The following SNTG1 variants were observed in gnomAD, a reference collection of about 807,000 sequenced individuals.
SNTG1 encodes syntrophin gamma 1.
A neutral mutation model predicts 74.7 loss-of-function variants in SNTG1; 39 were observed. That is an observed-to-expected ratio of 0.52 (90% CI 0.40 to 0.68). SNTG1 has a LOEUF of 0.68. Ranked by LOEUF, SNTG1 falls within the 30% of genes least tolerant of loss-of-function variation. The probability of loss-of-function intolerance (pLI) is 0.00; values close to 1 mark genes in which losing one functional copy is unlikely to be tolerated. For synonymous variants in SNTG1, 254 were observed against 217.1 expected (o/e 1.17, Z -1.49); for missense variants, 685 against 609.5 (o/e 1.12, Z -1.30).
In SNTG1 at chr8:50,448,003, T is replaced by C. The variant is rs191755687; in HGVS notation, c.220-1665T>C. ...ACTGTGTGCTAAATAAGCACTTGAT[T>C]TCCACCACACTGTCAGCCACAAATC... On this transcript the variant is annotated intron_variant, in intron 5 of 18. Transcript: ENST00000642720. 2.0e-5 allele frequency among the ~76,000 whole-genome samples: 3 copies of C among 152,318 alleles called. No individual in the cohort carries two copies. The East Asian group carries it at 5.8e-4, about 29-fold the overall frequency.
intron 2 of SNTG1, among the ~76,000 whole-genome samples, chr8:50,380,066 T>G (rs999161588): frequency 4.6e-5 from 7 of 152,224 alleles, no homozygotes; most frequent in African/African-American, 1.7e-4. Flanking sequence ...CTCGGGACGT[T>G]TACGTTTGGA....
intron 8 of SNTG1, among the ~76,000 whole-genome samples, chr8:50,484,166 T>A (rs1298071060): frequency 1.1e-5 from 1 of 88,448 alleles, no homozygotes; most frequent in Non-Finnish European, 2.6e-5. Context: ...CCTTCCTTCC[T>A]TCCTTCCTTC....
chr8:50,735,333 G>A (rs146856021), intron 17 of SNTG1, among the ~76,000 whole-genome samples: 2 of 151,696 alleles, frequency 1.3e-5, no homozygotes, highest in Admixed American at 1.3e-4. Flanking sequence ...CCAATCTAAA[G>A]GAGCATGTTC....
At position 50,536,281 on chromosome 8, in the gene SNTG1, A is replaced by G. The variant is rs575233538; in HGVS notation, c.550-397A>G. Among the ~76,000 whole-genome samples the G allele has an allele frequency of 1.5e-3, 233 of 152,306 alleles. 1 individual carries two copies. The highest frequency in any genetic ancestry group is 5.4e-3 in the African/African-American group (224 of 41,574). On this transcript the variant is annotated intron_variant, in intron 10 of 18. Coordinates refer to ENST00000642720, the MANE Select transcript of SNTG1 (RefSeq NM_018967.5). ...TATGATTGTGCTTGGCACTCATAAA[A>G]TACTCTCTATTTGAATGAACTACAG...
chr8:50,672,515 C>A (rs1277998631), intron 15 of SNTG1, among the ~76,000 whole-genome samples: 4 of 126,020 alleles, frequency 3.2e-5, no homozygotes, highest in African/African-American at 1.2e-4. Flanking sequence ...ATCCTCTGCA[C>A]ACTTTTTGAT....
chr8:50,736,264 C>T (rs2095528468), intron 17 of SNTG1, among the ~76,000 whole-genome samples: 1 of 151,720 alleles, frequency 6.6e-6, no homozygotes, highest in South Asian at 2.1e-4. Flanking sequence ...CAAATTCACA[C>T]CTAACAATAT....
intron 1 of SNTG1, among the ~76,000 whole-genome samples, chr8:49,981,499 G>A (rs1241179107): frequency 6.6e-6 from 1 of 152,064 alleles, no homozygotes; most frequent in Non-Finnish European, 1.5e-5. Flanking sequence ...TTGTTTGTAA[G>A]GGCATTATTG....
chr8:49,994,148 T>A (rs1203124341), intron 1 of SNTG1, among the ~76,000 whole-genome samples: 1 of 152,122 alleles, frequency 6.6e-6, no homozygotes, highest in Non-Finnish European at 1.5e-5. Context: ...TTTCCTGTAG[T>A]ATAATATGCT....
At chr8:50,333,195 AACTT>A (rs1446446421) in intron 2 of SNTG1, among the ~76,000 whole-genome samples, 1 of 152,240 alleles carries the variant, frequency 6.6e-6, no homozygotes, top group African/African-American at 2.4e-5. Context: ...TCGATACAAT[AACTT>A]AACCTCTCTG....
intron 4 of SNTG1, among the ~76,000 whole-genome samples, chr8:50,410,123 A>G (rs1262747537): frequency 1.3e-5 from 2 of 152,222 alleles, no homozygotes; most frequent in African/African-American, 4.8e-5. Context: ...TGGCTTTCAC[A>G]TGGGTGTGAC....
At chr8:50,169,137 C>G (rs6999722) in intron 1 of SNTG1, among the ~76,000 whole-genome samples, 65,907 of 151,932 alleles carry the variant, frequency 0.43, 18,012 homozygotes, top group African/African-American at 0.79. Flanking sequence ...TGGTTGATTT[C>G]TTTTCCTCAG....
intron 2 of SNTG1, among the ~76,000 whole-genome samples, chr8:50,373,289 G>T (rs74886444): frequency 3.3e-5 from 5 of 152,090 alleles, no homozygotes; most frequent in African/African-American, 9.7e-5. Context: ...ATGTTTTCAC[G>T]AAATACAGAA....
intron 2 of SNTG1, among the ~76,000 whole-genome samples, chr8:50,223,081 T>C (rs1223108096): frequency 6.6e-6 from 1 of 152,036 alleles, no homozygotes; most frequent in African/African-American, 2.4e-5. Flanking sequence ...TATATAAATT[T>C]AAAATTTTCC....
At chr8:50,318,551 G>T (rs894032753) in intron 2 of SNTG1, among the ~76,000 whole-genome samples, 5 of 152,240 alleles carry the variant, frequency 3.3e-5, no homozygotes, top group Non-Finnish European at 5.9e-5. Flanking sequence ...ATGGCGCTGT[G>T]TGACTCCCAC....
intron 1 of SNTG1, among the ~76,000 whole-genome samples, chr8:50,157,304 A>T (rs1384046129): frequency 6.6e-6 from 1 of 152,100 alleles, no homozygotes; most frequent in African/African-American, 2.4e-5. Context: ...TGCTATAGAA[A>T]TGTTCTGTAT....
intron 2 of SNTG1, among the ~76,000 whole-genome samples, chr8:50,341,315 G>A (rs1489301945): frequency 6.6e-6 from 1 of 151,872 alleles, no homozygotes; most frequent in African/African-American, 2.4e-5. Context: ...AGAGTTGGAG[G>A]AATGGTGACT....
chr8:50,209,355 C>T (rs1225439376), intron 2 of SNTG1, among the ~76,000 whole-genome samples: 1 of 152,186 alleles, frequency 6.6e-6, no homozygotes, highest in Non-Finnish European at 1.5e-5. Flanking sequence ...CTCTGTCTGA[C>T]AGCTTTAAAG....
intron 8 of SNTG1, among the ~76,000 whole-genome samples, chr8:50,469,321 C>G (rs1437499498): frequency 6.6e-6 from 1 of 150,756 alleles, no homozygotes; most frequent in African/African-American, 2.4e-5. Context: ...CTCTTGTTTT[C>G]TTGGGTTCTA....
intron 4 of SNTG1, among the ~76,000 whole-genome samples, chr8:50,413,470 G>A (rs751147039): frequency 3.3e-5 from 5 of 152,154 alleles, no homozygotes; most frequent in Admixed American, 6.6e-5. Flanking sequence ...TAGGAAAACT[G>A]TCTCTTCTTT....
Sources: allele counts gnomAD v4.1 joint callset (sites outside exome capture counted in the v4.1 genomes callset), GRCh38; gene constraint gnomAD v4.1.1; transcripts MANE v1.5; gene names NCBI Gene and HGNC (gene_info 2026-07-23, HGNC 2026-07-21).